PCDHA6: variants seen among roughly 807,000 people sequenced by gnomAD.
PCDHA6 encodes protocadherin alpha-6.
In PCDHA6, 55 loss-of-function variants were observed where a neutral mutation model predicts 60.3. That is an observed-to-expected ratio of 0.91 (90% CI 0.73 to 1.14). The LOEUF is 1.14. Ranked by LOEUF, PCDHA6 falls within the 50% of genes most tolerant of loss-of-function variation. The probability of loss-of-function intolerance (pLI) is 0.00; values close to 1 mark genes in which losing one functional copy is unlikely to be tolerated. For synonymous variants in PCDHA6, 652 were observed against 557.9 expected, an observed-to-expected ratio of 1.17 and a Z score of -2.38; for missense variants, 1,327 against 1,256.5, an observed-to-expected ratio of 1.06 and a Z score of -0.85.
chr5:140,863,257 C>G (rs1158491669), intron 1 of PCDHA6: 1 of 1,442,346 alleles, frequency 6.9e-7, no homozygotes, highest in Non-Finnish European at 9.4e-7. Context: ...CGTCGAGGTC[C>G]GGGAGGCAGC....
chr5:141,000,780 A>G (rs2097963386), intron 3 of PCDHA6, among the ~76,000 whole-genome samples: 1 of 151,780 alleles, frequency 6.6e-6, no homozygotes, highest in Admixed American at 6.6e-5. Context: ...AGTGGCGCAC[A>G]CCTGTATTCC....
chr5:140,967,838 G>A, intron 1 of PCDHA6: 1 of 1,614,124 alleles, frequency 6.2e-7, no homozygotes, highest in Non-Finnish European at 8.5e-7. Flanking sequence ...CATCGTGGAC[G>A]TGAATGACAA....
Position 140,843,222 on chromosome 5 carries a change from C to T in PCDHA6, c.2394+12737C>T, listed in dbSNP as rs2150355483. On this transcript the variant is annotated intron_variant, in intron 1 of 3. Coordinates refer to ENST00000529310, the MANE Select transcript of PCDHA6 (RefSeq NM_018909.4). ...CTGTACACGGGCGAGATCAGCACCA[C>T]TCGTGTCCTGGACGAAGCGGACTCT... is the stretch of plus-strand genomic sequence containing the variant. 32 of 1,596,168 alleles carry T rather than the reference C, an allele frequency of 2.0e-5. 4 individuals are homozygous for T. Among genetic ancestry groups the T allele is most frequent in the Non-Finnish European group, 2.5e-5 (29 of 1,165,638 alleles).
intron 1 of PCDHA6, chr5:140,968,040 G>A: frequency 1.2e-6 from 2 of 1,614,162 alleles, no homozygotes; most frequent in African/African-American, 1.3e-5. Context: ...GTGGTGAGCG[G>A]CCCACTGGAC....
chr5:140,836,379 C>G (rs2150259226), intron 1 of PCDHA6: 1 of 1,613,734 alleles, frequency 6.2e-7, no homozygotes, highest in East Asian at 2.2e-5. Context: ...AGCCACCGTG[C>G]TGGTGTCGCT....
Position 140,828,615 on chromosome 5 carries a change from G to T in PCDHA6, c.524G>T (p.Ser175Ile). The change falls in exon 1 of 4, where the codon AGC (serine) becomes ATC (isoleucine). Residue 175 changes from serine (S) to isoleucine (I), a missense_variant. Transcript: ENST00000529310. ...NSILTYKLSS[S>I]EYFGLDVKIN... Reference sequence around the variant, plus strand: ...ATCTTAACCTATAAACTCAGTTCTAGCGAATACTTCGGGCTAGATGTGAAA... The same window carrying T: ...ATCTTAACCTATAAACTCAGTTCTATCGAATACTTCGGGCTAGATGTGAAA... 1 of 1,614,212 alleles carries T rather than the reference G, an allele frequency of 6.2e-7. No individual in the cohort carries two copies. Among genetic ancestry groups the T allele is most frequent in the Non-Finnish European group, 8.5e-7 (1 of 1,180,054 alleles).
At position 140,884,402 on chromosome 5, in the gene PCDHA6, G is replaced by T. The variant is rs782512270; in HGVS notation, c.2394+53917G>T. 2.6e-5 allele frequency: 42 copies of T among 1,613,886 alleles called. 1 individual carries two copies. The Middle Eastern group carries it at 1.3e-3, about 51-fold the overall frequency. The stretch of plus-strand genomic sequence containing the variant: ...CATCTGCGCGGTGTCCAGCCTGTTG[G>T]TGCTCACGTTGCTGCTGTATACTGC... On this transcript the variant is annotated intron_variant, in intron 1 of 3. Coordinates refer to ENST00000529310, the MANE Select transcript of PCDHA6 (RefSeq NM_018909.4).
chr5:140,843,269 CTGGTG>C, intron 1 of PCDHA6: 1 of 1,596,112 alleles, frequency 6.3e-7, no homozygotes, highest in East Asian at 2.2e-5. Flanking sequence ...TCTGCTGGTC[CTGGTG>C]AAGGATCATG....
chr5:140,980,978 C>T (rs1482749121), intron 2 of PCDHA6, among the ~76,000 whole-genome samples: 1 of 152,032 alleles, frequency 6.6e-6, no homozygotes, highest in South Asian at 2.1e-4. Flanking sequence ...TCTGACTGAG[C>T]CCACACAATT....
chr5:140,925,822 T>C (rs1554202964), intron 1 of PCDHA6, among the ~76,000 whole-genome samples: 1 of 152,156 alleles, frequency 6.6e-6, no homozygotes, highest in African/African-American at 2.4e-5. Flanking sequence ...ACGTCTTCTT[T>C]GGGGACGGGT....
intron 1 of PCDHA6, among the ~76,000 whole-genome samples, chr5:140,915,680 A>G (rs2077249777): frequency 6.6e-6 from 1 of 150,862 alleles, no homozygotes; most frequent in South Asian, 2.1e-4. Context: ...ATCTTGAACT[A>G]GGGGTATGGT....
intron 1 of PCDHA6, chr5:140,861,891 C>T (rs2047126506): frequency 6.5e-6 from 1 of 154,838 alleles, no homozygotes; most frequent in African/African-American, 2.4e-5. Flanking sequence ...CTGACAGGCA[C>T]CAAAGCATTA....
chr5:140,871,656 A>C, intron 1 of PCDHA6: 1 of 1,231,284 alleles, frequency 8.1e-7, no homozygotes, highest in Non-Finnish European at 1.1e-6. Flanking sequence ...AATGATACAC[A>C]TCTTCAGTCT....
chr5:140,927,825 GGCGAGGGA>G (rs782044178), intron 1 of PCDHA6: 1 of 1,614,098 alleles, frequency 6.2e-7, no homozygotes, highest in Non-Finnish European at 8.5e-7. Context: ...CATACATTGA[GGCGAGGGA>G]CGAAGGTGTC....
intron 1 of PCDHA6, chr5:140,850,551 G>T: frequency 6.3e-7 from 1 of 1,598,324 alleles, no homozygotes; most frequent in Non-Finnish European, 8.6e-7. Context: ...GTCAGTGGGT[G>T]CCACGGGCCC....
At chr5:140,899,403 G>A (rs1458189120) in intron 1 of PCDHA6, among the ~76,000 whole-genome samples, 6 of 152,230 alleles carry the variant, frequency 3.9e-5, no homozygotes, top group Admixed American at 1.3e-4. Context: ...AGCATGAAGG[G>A]TTGTTGAATT....
At position 140,979,408 on chromosome 5, in the gene PCDHA6, G is replaced by GT. The variant is rs558051720; in HGVS notation, c.2453+411dup. Among the ~76,000 whole-genome samples the GT allele has an allele frequency of 3.0e-3, 447 of 147,714 alleles. 2 individuals carry two copies. Among genetic ancestry groups the GT allele is most frequent in the East Asian group, 0.02 (102 of 5,050 alleles). On this transcript the variant is annotated intron_variant, in intron 2 of 3. Coordinates refer to ENST00000529310, the MANE Select transcript of PCDHA6 (RefSeq NM_018909.4). ...TGTATACATACATGTTGTCTACCTT[G>GT]TTTTTTTTTTAATCTCACATTGGCT...
rs373307820 is a variant in PCDHA6 at position 140,857,638 on chromosome 5, A to G, written c.2394+27153A>G. The G allele has an allele frequency of 1.1e-4, 174 of 1,596,206 alleles. 22 individuals are homozygous for G. The highest frequency in any genetic ancestry group is 1.4e-4 in the Non-Finnish European group (161 of 1,167,602). ...TGGACCACGAGGAGCTGGAGCTGCT[A>G]CAGTTCCAGGTGAGCGCGCGCGATG... is the stretch of plus-strand genomic sequence containing the variant. On this transcript the variant is annotated intron_variant, in intron 1 of 3. Transcript: ENST00000529310.
intron 1 of PCDHA6, chr5:140,861,762 T>G (rs2047066854): frequency 1.1e-5 from 1 of 90,318 alleles, no homozygotes; most frequent in Non-Finnish European, 2.3e-5. Context: ...TATTTTTCCC[T>G]GGAAATACCA....
Sources: allele counts gnomAD v4.1 joint callset (sites outside exome capture counted in the v4.1 genomes callset), GRCh38; gene constraint gnomAD v4.1.1; transcripts MANE v1.5; gene names NCBI Gene and HGNC (gene_info 2026-07-23, HGNC 2026-07-21).